The following CDH18 variants were observed in gnomAD, a reference collection of about 807,000 sequenced individuals.
CDH18 encodes the protein cadherin-18.
Under a neutral mutation model 67.9 loss-of-function variants are expected in CDH18, and 31 were observed. That is an observed-to-expected ratio of 0.46 (90% CI 0.34 to 0.62). The LOEUF is 0.62. Among genes scored for constraint, CDH18 ranks in the 20% least tolerant of loss-of-function variants. CDH18 has a pLI of 0.01. For missense variants in CDH18, 890 were observed against 975.5 expected, an observed-to-expected ratio of 0.91 and a Z score of 1.17; for synonymous variants, 362 against 347.2, an observed-to-expected ratio of 1.04 and a Z score of -0.48.
chr5:19,808,304 CAA>C (rs1778241758), intron 3 of CDH18, among the ~76,000 whole-genome samples: 1 of 136,498 alleles, frequency 7.3e-6, no homozygotes, highest in Non-Finnish European at 1.6e-5. Flanking sequence ...AAAAATAAAA[CAA>C]AACAACAACA....
At chr5:19,880,430 A>G (rs1416090169) in intron 2 of CDH18, among the ~76,000 whole-genome samples, 1 of 152,126 alleles carries the variant, frequency 6.6e-6, no homozygotes, top group East Asian at 1.9e-4. Context: ...AATTATACTC[A>G]TTTAGATAAC....
chr5:20,440,611 C>T (rs1292137629), intron 1 of CDH18, among the ~76,000 whole-genome samples: 1 of 152,028 alleles, frequency 6.6e-6, no homozygotes, highest in Non-Finnish European at 1.5e-5. Flanking sequence ...GAGTCAGCAA[C>T]AGGCAAGCTC....
intron 5 of CDH18, among the ~76,000 whole-genome samples, chr5:19,644,995 C>T (rs1754530272): frequency 6.6e-6 from 1 of 152,152 alleles, no homozygotes; most frequent in African/African-American, 2.4e-5. Flanking sequence ...ATTCCTTTTT[C>T]TCCTTGTCTT....
At chr5:20,085,729 T>C (rs553891134) in intron 2 of CDH18, among the ~76,000 whole-genome samples, 1 of 152,176 alleles carries the variant, frequency 6.6e-6, no homozygotes, top group Non-Finnish European at 1.5e-5. Context: ...CTCCTCTTTT[T>C]AAAACCATCA....
Position 19,551,651 on chromosome 5 carries a change from G to A in CDH18, c.1254-7646C>T, listed in dbSNP as rs528719290. On this transcript the variant is annotated intron_variant, in intron 8 of 12. Transcript: ENST00000382275. Reference sequence around the variant, plus strand: ...TTGTTTTAAGGCTTCTCAGGAAGACGTTTTTCTCCCTTTCTTTCTTGGGAA... The same window carrying A: ...TTGTTTTAAGGCTTCTCAGGAAGACATTTTTCTCCCTTTCTTTCTTGGGAA... Among the ~76,000 whole-genome samples the A allele has an allele frequency of 2.4e-4, 37 of 152,216 alleles. No homozygotes were observed. In the East Asian group the frequency reaches 6.4e-3, roughly 26 times the overall value.
At chr5:20,167,158 T>C (rs969704934) in intron 2 of CDH18, among the ~76,000 whole-genome samples, 13 of 152,282 alleles carry the variant, frequency 8.5e-5, no homozygotes, top group Admixed American at 2.0e-4. Context: ...ATAATAAATA[T>C]ATTTGAGGAA....
intron 9 of CDH18, among the ~76,000 whole-genome samples, chr5:19,538,754 T>C (rs1317017328): frequency 1.3e-5 from 2 of 152,102 alleles, no homozygotes; most frequent in East Asian, 3.9e-4. Flanking sequence ...GTTTTTCCCT[T>C]GCCCTCATTC....
chr5:20,125,646 T>G (rs1444511396), intron 2 of CDH18, among the ~76,000 whole-genome samples: 2 of 152,180 alleles, frequency 1.3e-5, no homozygotes, highest in African/African-American at 4.8e-5. Context: ...AATGTCTACA[T>G]GGACCTCTGT....
In CDH18 at chr5:20,574,981, G is replaced by GA. The variant is rs200811136; in HGVS notation, c.-580+480dup. ...AAACTGCAATCTAAAGACAGATTTA[G>GA]AAAAAAAAAAACCACTAGCAATCAC... is the stretch of plus-strand genomic sequence containing the variant. On this transcript the variant is annotated intron_variant, in intron 1 of 14. Transcript: ENST00000507958. Among the ~76,000 whole-genome samples the GA allele has an allele frequency of 2.0e-3, 283 of 142,548 alleles. 1 individual carries two copies. Among genetic ancestry groups the GA allele is most frequent in the Middle Eastern group, 3.6e-3 (1 of 278 alleles). The allele number at this position is 142,548 out of a possible 152,430, so 93.5% of individuals were successfully genotyped here. A position where few individuals can be genotyped will look rare whatever the true frequency, so the allele number is the denominator to read the frequency against.
intron 1 of CDH18, among the ~76,000 whole-genome samples, chr5:20,403,405 G>T (rs536651206): frequency 6.6e-6 from 1 of 152,108 alleles, no homozygotes; most frequent in African/African-American, 2.4e-5. Context: ...AGTATCTGAG[G>T]GTTGAAAAGC....
chr5:19,748,717 C>G (rs1474837442), intron 3 of CDH18, among the ~76,000 whole-genome samples: 1 of 152,046 alleles, frequency 6.6e-6, no homozygotes, highest in Non-Finnish European at 1.5e-5. Context: ...TTTAAAGTCT[C>G]TGAACTCTCA....
At chr5:19,697,633 A>T (rs559784439) in intron 5 of CDH18, among the ~76,000 whole-genome samples, 2 of 152,226 alleles carry the variant, frequency 1.3e-5, no homozygotes, top group South Asian at 4.1e-4. Context: ...TCCTGATAAA[A>T]GGCTCTAGAC....
intron 2 of CDH18, among the ~76,000 whole-genome samples, chr5:20,151,361 TACA>T (rs1751087120): frequency 6.6e-6 from 1 of 152,176 alleles, no homozygotes. Context: ...GGTGTATATG[TACA>T]ACATTTTCTG....
At chr5:20,238,008 A>G (rs543945843) in intron 2 of CDH18, among the ~76,000 whole-genome samples, 3 of 152,172 alleles carry the variant, frequency 2.0e-5, no homozygotes, top group Admixed American at 2.0e-4. Context: ...GCAATTATAT[A>G]TGGGAAATTG....
At chr5:19,615,785 C>T (rs1418719935) in intron 5 of CDH18, among the ~76,000 whole-genome samples, 2 of 152,166 alleles carry the variant, frequency 1.3e-5, no homozygotes, top group Non-Finnish European at 2.9e-5. Flanking sequence ...TGGAATCATA[C>T]AGTTAGCCTT....
At chr5:20,010,163 T>C (rs1737293992) in intron 2 of CDH18, among the ~76,000 whole-genome samples, 1 of 150,168 alleles carries the variant, frequency 6.7e-6, no homozygotes, top group Admixed American at 6.7e-5. Context: ...GAAAGTGGTG[T>C]GTGTGTGTGT....
intron 1 of CDH18, among the ~76,000 whole-genome samples, chr5:20,282,245 A>T (rs1746339093): frequency 6.6e-6 from 1 of 152,096 alleles, no homozygotes; most frequent in African/African-American, 2.4e-5. Flanking sequence ...AACTTCCAAC[A>T]CTATGTTGAA....
chr5:20,493,959 AC>A (rs60885530), intron 1 of CDH18, among the ~76,000 whole-genome samples: 4,667 of 151,546 alleles, frequency 0.031, 248 homozygotes, highest in African/African-American at 0.1. Context: ...CAAAAAAAAA[AC>A]CAGCCTTGTG....
chr5:20,497,173 G>C (rs747047047), intron 1 of CDH18, among the ~76,000 whole-genome samples: 1 of 152,136 alleles, frequency 6.6e-6, no homozygotes. Flanking sequence ...GAGGGAAATA[G>C]TAAGTGAGGG....
Sources: gnomAD v4.1 joint callset for allele counts (sites outside exome capture counted in the v4.1 genomes callset) on GRCh38, gnomAD v4.1.1 for gene constraint, MANE v1.5 for transcripts, NCBI Gene and HGNC (gene_info 2026-07-23, HGNC 2026-07-21) for gene names.